Variants in SRPX observed in about 807,000 individuals in gnomAD.
SRPX encodes sushi repeat containing protein X-linked.
A neutral mutation model predicts 38.1 loss-of-function variants in SRPX; 24 were observed. The ratio of observed to expected loss-of-function variants is 0.63; its 90% confidence interval spans 0.46 to 0.89. SRPX has a LOEUF of 0.89. SRPX is among the 40% of genes least tolerant of loss of function. SRPX has a pLI of 0.00. For missense variants in SRPX, 416 were observed against 377.8 expected (o/e 1.10, Z -0.84); for synonymous variants, 184 against 153.8 (o/e 1.20, Z -1.45).
intron 1 of SRPX, among the ~76,000 whole-genome samples, chrX:38,205,261 T>C (rs967286966): frequency 8.0e-5 from 9 of 112,195 alleles, no homozygotes; most frequent in Admixed American, 1.9e-4. Flanking sequence ...AAAGAGCAGG[T>C]GGCTTTGTTC....
chrX:38,164,990 G>T, intron 4 of SRPX, 95 bp from the exon 5 acceptor site: 1 of 805,237 alleles, frequency 1.2e-6, no homozygotes, highest in Non-Finnish European at 1.8e-6. Context: ...AAGCCTCTGG[G>T]TATTCTCCAT....
At chrX:38,208,666 T>A (rs1443771039) in intron 1 of SRPX, among the ~76,000 whole-genome samples, 1 of 110,068 alleles carries the variant, frequency 9.1e-6, no homozygotes, top group Non-Finnish European at 1.9e-5. Flanking sequence ...ATTTTCATAA[T>A]GAGCATGTTT....
At position 38,220,770 on chromosome X, in the gene SRPX, G is replaced by GCA; in HGVS notation, c.22_23insTG (p.Pro8LeufsTer33). 8.8e-7 allele frequency: 1 copy of GCA among 1,134,817 alleles called. No individual in the cohort carries two copies. The highest frequency in any genetic ancestry group is 1.2e-6 in the Non-Finnish European group (1 of 863,679). The allele number at this position is 1,134,817 out of a possible 1,213,427, so 93.5% of individuals were successfully genotyped here. A position where few individuals can be genotyped will look rare whatever the true frequency, so the allele number is the denominator to read the frequency against. The stretch of plus-strand genomic sequence containing the variant: ...AGGCGGCAGCAGCAGCAGCAGCGCG[G>GCA]GCCGATGTGCGGGGCTCCCCATGGC... On this transcript the variant is annotated frameshift_variant, in exon 1 of 10. Transcript: ENST00000378533. LOFTEE classifies it high-confidence loss of function.
chrX:38,174,613 C>T (rs1938537184), intron 2 of SRPX, among the ~76,000 whole-genome samples: 1 of 111,669 alleles, frequency 9.0e-6, no homozygotes, highest in Non-Finnish European at 1.9e-5. Flanking sequence ...GAGTCAATAT[C>T]TATACTTATG....
chrX:38,202,390 A>G (rs891402941), intron 1 of SRPX, among the ~76,000 whole-genome samples: 2 of 111,702 alleles, frequency 1.8e-5, no homozygotes, highest in African/African-American at 6.5e-5. Flanking sequence ...AACAGTTCTC[A>G]GAGGGGAATT....
chrX:38,181,303 T>C lies in SRPX; in HGVS notation c.98-2959A>G, dbSNP rs758146255. Among the ~76,000 whole-genome samples, 4 of 112,356 alleles carry C rather than the reference T, an allele frequency of 3.6e-5. No homozygotes were observed. In the South Asian group the frequency reaches 1.5e-3, roughly 42 times the overall value. On this transcript the variant is annotated intron_variant, in intron 1 of 9. Coordinates refer to ENST00000378533, the MANE Select transcript of SRPX (RefSeq NM_006307.5). Reference sequence around the variant, plus strand: ...GCAGGGGAATCACAGATTAGTAAGATAAGGAGGGCTTTCACATGGGTAAGG... The same window carrying C: ...GCAGGGGAATCACAGATTAGTAAGACAAGGAGGGCTTTCACATGGGTAAGG...
At chrX:38,188,971 A>G (rs920282863) in intron 1 of SRPX, among the ~76,000 whole-genome samples, 1 of 111,905 alleles carries the variant, frequency 8.9e-6, no homozygotes, top group African/African-American at 3.2e-5. Flanking sequence ...AATCTGAGAA[A>G]GCCTTTGGGG....
intron 4 of SRPX, among the ~76,000 whole-genome samples, 163 bp from the exon 5 acceptor site, chrX:38,165,058 C>T (rs892848829): frequency 8.9e-6 from 1 of 111,813 alleles, no homozygotes; most frequent in Non-Finnish European, 1.9e-5. Context: ...AATGCTTTTA[C>T]TCTCCTGCTA....
At chrX:38,170,081 T>C (rs1198151033) in intron 4 of SRPX, among the ~76,000 whole-genome samples, 2 of 111,948 alleles carry the variant, frequency 1.8e-5, no homozygotes, top group Non-Finnish European at 3.8e-5. Flanking sequence ...TGCCAGAGTA[T>C]GGTCTGTGTA....
intron 1 of SRPX, 77 bp downstream of exon 1, chrX:38,220,619 C>T: frequency 8.7e-7 from 1 of 1,147,075 alleles, no homozygotes; most frequent in South Asian, 2.0e-5. Context: ...TCCCTCTATC[C>T]CGAGCGAAGG....
chrX:38,151,862 T>C (rs1338272622), intron 9 of SRPX, among the ~76,000 whole-genome samples: 5 of 111,143 alleles, frequency 4.5e-5, no homozygotes, highest in African/African-American at 1.6e-4. Context: ...ATAGAAACTA[T>C]GGCTTTCTTG....
intron 1 of SRPX, among the ~76,000 whole-genome samples, chrX:38,214,332 G>A (rs186582546): frequency 6.3e-5 from 7 of 111,090 alleles, no homozygotes; most frequent in African/African-American, 2.3e-4. Flanking sequence ...ATGCAAGGGA[G>A]CCTGGGTGTG....
chrX:38,150,227 G>A (rs1032463167), intron 9 of SRPX, among the ~76,000 whole-genome samples: 2 of 112,343 alleles, frequency 1.8e-5, no homozygotes, highest in Admixed American at 1.9e-4. Context: ...GACTTCAGGC[G>A]TACAATGGTG....
Position 38,188,036 on chromosome X carries a change from C to A in SRPX, c.98-9692G>T, listed in dbSNP as rs1048594887. Among the ~76,000 whole-genome samples, 44 of 111,658 alleles carry A rather than the reference C, an allele frequency of 3.9e-4. 1 individual carries two copies. The highest frequency in any genetic ancestry group is 1.7e-4 in the Non-Finnish European group (9 of 53,108). ...TCAACCCCAAGATGAAGGCTCAGAA[C>A]AAGTACACAGAGAACCAGGATCTGT... is the stretch of plus-strand genomic sequence containing the variant. On this transcript the variant is annotated intron_variant, in intron 1 of 9. Transcript: ENST00000378533.
chrX:38,185,061 T>G, intron 1 of SRPX, among the ~76,000 whole-genome samples: 1 of 112,421 alleles, frequency 8.9e-6, no homozygotes, highest in African/African-American at 3.2e-5. Flanking sequence ...GGCCTAGACC[T>G]AACTTTTTAA....
At chrX:38,216,419 G>C (rs914496669) in intron 1 of SRPX, among the ~76,000 whole-genome samples, 106 of 112,961 alleles carry the variant, frequency 9.4e-4, no homozygotes, top group African/African-American at 3.2e-3. Flanking sequence ...CAGAGCCCAG[G>C]ATTTATTAGA....
chrX:38,211,280 T>C (rs1248061168), intron 1 of SRPX, among the ~76,000 whole-genome samples: 1 of 112,464 alleles, frequency 8.9e-6, no homozygotes, highest in Non-Finnish European at 1.9e-5. Context: ...GCCTGGACTT[T>C]GTTTGCAGAC....
intron 5 of SRPX, among the ~76,000 whole-genome samples, chrX:38,164,386 G>A (rs751187560): frequency 4.3e-4 from 48 of 111,733 alleles, no homozygotes; most frequent in African/African-American, 1.5e-3. Context: ...CAAGTGATCC[G>A]CCTGCCTCGT....
At chrX:38,165,121 A>G (rs1938340674) in intron 4 of SRPX, among the ~76,000 whole-genome samples, 1 of 111,954 alleles carries the variant, frequency 8.9e-6, no homozygotes, top group African/African-American at 3.3e-5. Flanking sequence ...CCTGCAATCA[A>G]CTGGCCTTGC....
Sources: gnomAD v4.1 joint callset for allele counts (sites outside exome capture counted in the v4.1 genomes callset) on GRCh38, gnomAD v4.1.1 for gene constraint, MANE v1.5 for transcripts, NCBI Gene and HGNC (gene_info 2026-07-23, HGNC 2026-07-21) for gene names.